Variants in MTX2 observed in about 807,000 individuals in gnomAD.
MTX2 encodes the protein metaxin 2.
Under a neutral mutation model 42.3 loss-of-function variants are expected in MTX2, and 35 were observed. The observed-to-expected ratio is 0.83, with a 90% CI of 0.63 to 1.10. The LOEUF (loss-of-function observed/expected upper bound fraction) is 1.10. MTX2 is among the 50% of genes least tolerant of loss of function. MTX2 has a pLI of 0.00. For synonymous variants in MTX2, 119 were observed against 100.9 expected (o/e 1.18, Z -1.08); for missense variants, 307 against 304.1 (o/e 1.01, Z -0.07).
At position 176,313,953 on chromosome 2, in the gene MTX2, G is replaced by A. The variant is rs189620428; in HGVS notation, c.136-9439G>A. Among the ~76,000 whole-genome samples the A allele has an allele frequency of 9.5e-4, 145 of 151,998 alleles. 1 individual carries two copies. The highest frequency in any genetic ancestry group is 1.3e-3 in the Non-Finnish European group (91 of 68,006). Reference sequence around the variant, plus strand: ...AGGACAGCAATCTCAATGAGTTAGCGTCATTCTTGTGCACAGTAGCCACCA... The same window carrying A: ...AGGACAGCAATCTCAATGAGTTAGCATCATTCTTGTGCACAGTAGCCACCA... On this transcript the variant is annotated intron_variant, in intron 3 of 9. Transcript: ENST00000249442.
intron 3 of MTX2, among the ~76,000 whole-genome samples, chr2:176,312,707 C>T (rs1226379798): frequency 6.6e-6 from 1 of 151,390 alleles, no homozygotes; most frequent in South Asian, 2.1e-4. Context: ...CTACTAAATA[C>T]AAAAAATTAG....
intron 6 of MTX2, among the ~76,000 whole-genome samples, chr2:176,328,598 C>T (rs1684777617): frequency 6.6e-6 from 1 of 151,242 alleles, no homozygotes; most frequent in South Asian, 2.1e-4. Context: ...AGGAGTGATT[C>T]TTGCCTACTC....
intron 1 of MTX2, among the ~76,000 whole-genome samples, chr2:176,291,771 A>G (rs990365747): frequency 4.6e-5 from 7 of 152,138 alleles, no homozygotes; most frequent in African/African-American, 1.7e-4. Context: ...TACCTGAGGA[A>G]GTAATTTTTG....
chr2:176,317,092 C>A (rs1575055237), intron 3 of MTX2, among the ~76,000 whole-genome samples: 1 of 146,736 alleles, frequency 6.8e-6, no homozygotes, highest in Admixed American at 6.8e-5. Context: ...GCTTTGTTTT[C>A]AAAAATTCAC....
chr2:176,269,949 G>T (rs1045004679), intron 1 of MTX2, among the ~76,000 whole-genome samples: 1 of 152,166 alleles, frequency 6.6e-6, no homozygotes, highest in South Asian at 2.1e-4. Context: ...TGGAGTATGA[G>T]GGGGAGGCCT....
chr2:176,336,203 C>T (rs1684983497), intron 9 of MTX2, among the ~76,000 whole-genome samples: 2 of 151,962 alleles, frequency 1.3e-5, no homozygotes, highest in Admixed American at 1.3e-4. Flanking sequence ...AGTAATAGTG[C>T]ATTAGTAATT....
chr2:176,332,808 A>G (rs1287766160), intron 9 of MTX2, among the ~76,000 whole-genome samples: 1 of 151,420 alleles, frequency 6.6e-6, no homozygotes, highest in Admixed American at 6.6e-5. Context: ...ATTAGGAAAC[A>G]CTCAGACAAA....
chr2:176,317,058 CTT>C (rs984355716), intron 3 of MTX2, among the ~76,000 whole-genome samples: 2 of 126,762 alleles, frequency 1.6e-5, no homozygotes, highest in African/African-American at 5.5e-5. Context: ...AAAACAAAAA[CTT>C]TTATTTTCAG....
At chr2:176,322,959 A>G (rs933910554) in intron 3 of MTX2, among the ~76,000 whole-genome samples, 1 of 151,882 alleles carries the variant, frequency 6.6e-6, no homozygotes, top group Non-Finnish European at 1.5e-5. Context: ...TAGCAGAGAT[A>G]GTATTTTGAG....
intron 4 of MTX2, 51 bp from the exon 5 acceptor site, chr2:176,326,774 C>A: frequency 1.7e-6 from 2 of 1,156,296 alleles, no homozygotes; most frequent in South Asian, 1.5e-5. Flanking sequence ...TTATCACAAA[C>A]TTTAACATAC....
chr2:176,330,114 A>G (rs530350031), intron 8 of MTX2, among the ~76,000 whole-genome samples: 11 of 150,996 alleles, frequency 7.3e-5, no homozygotes, highest in Non-Finnish European at 1.0e-4. Context: ...ATAAAAATCT[A>G]TCTCCACTAG....
intron 1 of MTX2, among the ~76,000 whole-genome samples, chr2:176,279,673 A>G (rs1410597673): frequency 2.0e-5 from 3 of 152,102 alleles, no homozygotes; most frequent in Non-Finnish European, 4.4e-5. Context: ...GTCCAGGAGA[A>G]CTAGTTACAT....
chr2:176,331,713 G>C (rs1262233677), intron 9 of MTX2, among the ~76,000 whole-genome samples: 1 of 151,132 alleles, frequency 6.6e-6, no homozygotes, highest in African/African-American at 2.4e-5. Flanking sequence ...CTCTGTTCCT[G>C]TTTCTAGTGA....
At chr2:176,278,585 A>G (rs1056198668) in intron 1 of MTX2, among the ~76,000 whole-genome samples, 2 of 152,162 alleles carry the variant, frequency 1.3e-5, no homozygotes, top group Non-Finnish European at 2.9e-5. Flanking sequence ...TATTTCTTTG[A>G]AGACTTTTGA....
intron 3 of MTX2, among the ~76,000 whole-genome samples, chr2:176,311,857 T>C (rs943333902): frequency 1.3e-5 from 2 of 152,186 alleles, no homozygotes; most frequent in Non-Finnish European, 2.9e-5. Flanking sequence ...TTGCGCTTCC[T>C]GGGTGAGGCA....
At chr2:176,336,724 C>G (rs1684994465) in intron 9 of MTX2, among the ~76,000 whole-genome samples, 2 of 152,050 alleles carry the variant, frequency 1.3e-5, no homozygotes, top group South Asian at 4.1e-4. Flanking sequence ...GAAAGCAAGT[C>G]ACACAACTAG....
chr2:176,318,506 T>C (rs1001215743), intron 3 of MTX2, among the ~76,000 whole-genome samples: 1 of 152,208 alleles, frequency 6.6e-6, no homozygotes, highest in Admixed American at 6.5e-5. Context: ...TTTTAATTCA[T>C]TCTTTAGTTC....
chr2:176,332,110 A>G (rs1207219672), intron 9 of MTX2, among the ~76,000 whole-genome samples: 4 of 151,260 alleles, frequency 2.6e-5, no homozygotes, highest in African/African-American at 7.3e-5. Flanking sequence ...TTGAGGAACT[A>G]TTTAATTGAT....
intron 3 of MTX2, among the ~76,000 whole-genome samples, chr2:176,322,951 G>A (rs1337943704): frequency 1.3e-5 from 2 of 151,818 alleles, no homozygotes; most frequent in Non-Finnish European, 2.9e-5. Context: ...CTTTGAGGTA[G>A]CAGAGATAGT....
Sources: allele counts gnomAD v4.1 joint callset (sites outside exome capture counted in the v4.1 genomes callset), GRCh38; gene constraint gnomAD v4.1.1; transcripts MANE v1.5; gene names NCBI Gene and HGNC (gene_info 2026-07-23, HGNC 2026-07-21).